The following KIF3A variants were observed in gnomAD, a reference collection of about 807,000 sequenced individuals.
The protein encoded by KIF3A is kinesin-like protein KIF3A.
In KIF3A, 27 loss-of-function variants were observed where a neutral mutation model predicts 92.6. That is an observed-to-expected ratio of 0.29 (90% CI 0.21 to 0.40). The LOEUF (loss-of-function observed/expected upper bound fraction) is 0.40. KIF3A is among the 10% of genes least tolerant of loss of function. The probability of loss-of-function intolerance (pLI) is 1.00; values close to 1 mark genes in which losing one functional copy is unlikely to be tolerated. For missense variants in KIF3A, 581 were observed against 872.6 expected (o/e 0.67, Z 4.21); for synonymous variants, 250 against 275.4 (o/e 0.91, Z 0.92).
intron 5 of KIF3A, among the ~76,000 whole-genome samples, chr5:132,720,196 A>C (rs1257367346): frequency 1.3e-5 from 2 of 152,204 alleles, no homozygotes; most frequent in Non-Finnish European, 2.9e-5. Flanking sequence ...TACTTAGACA[A>C]GTTACTTAAA....
intron 11 of KIF3A, among the ~76,000 whole-genome samples, chr5:132,704,850 T>C (rs1299341498): frequency 6.6e-6 from 1 of 151,958 alleles, no homozygotes; most frequent in Non-Finnish European, 1.5e-5. Context: ...GATGGAGATA[T>C]ATAACTGAGT....
At chr5:132,727,338 T>C (rs979264184) in intron 2 of KIF3A, among the ~76,000 whole-genome samples, 2 of 152,182 alleles carry the variant, frequency 1.3e-5, no homozygotes, top group Non-Finnish European at 2.9e-5. Flanking sequence ...ATGATGAGTA[T>C]TCAGAATGAG....
At position 132,711,023 on chromosome 5, in the gene KIF3A, T is replaced by C. The variant is rs759986801; in HGVS notation, c.1164A>G (p.Ser388=). 2.5e-6 allele frequency: 4 copies of C among 1,612,132 alleles called. No homozygotes were observed. Among genetic ancestry groups the C allele is most frequent in the Non-Finnish European group, 8.5e-7 (1 of 1,178,208 alleles). The change falls in exon 9 of 19, where the codon TCA becomes TCG. Residue 388 remains serine, a synonymous_variant. Coordinates refer to ENST00000403231, the MANE Select transcript of KIF3A (RefSeq NM_001300791.2). Reference sequence around the variant, plus strand: ...CACCCTCTTCATCATCATCTTCCTCTGACCCACTGATATCAGAGCCTGATA... The same window carrying C: ...CACCCTCTTCATCATCATCTTCCTCCGACCCACTGATATCAGAGCCTGATA... The part of the protein sequence containing the change: ...EEISGSDISG[S]EEDDDEEGEV...
chr5:132,724,590 C>A lies in KIF3A; in HGVS notation c.510+1538G>T, dbSNP rs549253678. ...TTCTCACTTATAGGTGAGAACTGAA[C>A]AATGAGAACACTTGGACACAGGAAG... On this transcript the variant is annotated intron_variant, in intron 4 of 18. Coordinates refer to ENST00000403231, the MANE Select transcript of KIF3A (RefSeq NM_001300791.2). Among the ~76,000 whole-genome samples the A allele has an allele frequency of 6.2e-3, 933 of 151,390 alleles. 9 individuals carry two copies. Among genetic ancestry groups the A allele is most frequent in the Non-Finnish European group, 1.0e-2 (676 of 67,900 alleles).
Position 132,699,247 on chromosome 5 carries a change from T to C in KIF3A, c.2056A>G (p.Ser686Gly). ...AGTTTCATCAAAGACTGACGCAGAC[T>C]CTCCTCAGTATAGGCAAGATACACG... ...SHVYLAYTEE[S>G]LRQSLMKLER... is the part of the protein sequence containing the mutation. Residue 686 changes from serine (S) to glycine (G), a missense_variant, in exon 18 of 19, where the codon AGT becomes GGT. Around this residue, in one of 5 missense-constraint regions of KIF3A, gnomAD observed 112 missense variants for 144.3 expected, o/e 0.78. Coordinates refer to ENST00000403231, the MANE Select transcript of KIF3A (RefSeq NM_001300791.2). 6.2e-7 allele frequency: 1 copy of C among 1,613,350 alleles called. No homozygotes were observed. Among genetic ancestry groups the C allele is most frequent in the South Asian group, 1.1e-5 (1 of 91,066 alleles).
chr5:132,691,979 A>T (rs1300512080), downstream of KIF3A, among the ~76,000 whole-genome samples: 3 of 150,542 alleles, frequency 2.0e-5, no homozygotes, highest in African/African-American at 4.8e-5. Context: ...AAATAAAATA[A>T]AATTTAATTA....
chr5:132,729,780 C>A (rs1486984296), intron 2 of KIF3A, among the ~76,000 whole-genome samples: 3 of 151,770 alleles, frequency 2.0e-5, no homozygotes, highest in Non-Finnish European at 2.9e-5. Flanking sequence ...ATTAAACTCC[C>A]ATATTAGAAA....
intron 1 of KIF3A, among the ~76,000 whole-genome samples, chr5:132,736,356 T>A (rs990886021): frequency 9.9e-5 from 15 of 152,264 alleles, no homozygotes; most frequent in Non-Finnish European, 5.9e-5. Flanking sequence ...CAGACCATCA[T>A]TCTTACATGG....
At chr5:132,690,883 T>C (rs1752646942), downstream of KIF3A, among the ~76,000 whole-genome samples, 1 of 151,420 alleles carries the variant, frequency 6.6e-6, no homozygotes, top group South Asian at 2.1e-4. Context: ...GCTGAAATCG[T>C]GCCACTGCAC....
At chr5:132,706,659 C>T (rs1581070902) in intron 10 of KIF3A, among the ~76,000 whole-genome samples, 200 bp from the exon 11 acceptor site, 1 of 152,074 alleles carries the variant, frequency 6.6e-6, no homozygotes, top group Non-Finnish European at 1.5e-5. Context: ...TTCAACACAA[C>T]GAGAGATGTC....
At chr5:132,691,663 G>A (rs1438547313), downstream of KIF3A, among the ~76,000 whole-genome samples, 1 of 152,114 alleles carries the variant, frequency 6.6e-6, no homozygotes, top group African/African-American at 2.4e-5. Flanking sequence ...AGCACTTTGG[G>A]AGGCTGAGGC....
intron 1 of KIF3A, chr5:132,736,865 G>A: frequency 2.5e-6 from 1 of 401,846 alleles, no homozygotes; most frequent in Non-Finnish European, 5.0e-6. Flanking sequence ...AATCCTGGAA[G>A]ATAAACATAA....
chr5:132,690,998 C>T (rs1200537671), downstream of KIF3A, among the ~76,000 whole-genome samples: 1 of 152,172 alleles, frequency 6.6e-6, no homozygotes, highest in African/African-American at 2.4e-5. Context: ...TCATTTTCTA[C>T]TTTGAAGTTC....
At chr5:132,689,285 A>C (rs1752609072), downstream of KIF3A, among the ~76,000 whole-genome samples, 2 of 152,122 alleles carry the variant, frequency 1.3e-5, no homozygotes, top group African/African-American at 4.8e-5. Flanking sequence ...AACTGTGTTA[A>C]CTCCTTCTGT....
intron 18 of KIF3A, among the ~76,000 whole-genome samples, chr5:132,698,864 A>T (rs1752927421): frequency 6.6e-6 from 1 of 150,510 alleles, no homozygotes; most frequent in Non-Finnish European, 1.5e-5. Context: ...CAGCCTCCCC[A>T]GTAGCTGGGA....
intron 1 of KIF3A, chr5:132,736,779 G>A: frequency 2.1e-6 from 1 of 467,522 alleles, no homozygotes; most frequent in South Asian, 1.6e-5. Context: ...AGCGGCCATG[G>A]CTCAATTTTC....
intron 8 of KIF3A, among the ~76,000 whole-genome samples, chr5:132,715,210 T>C (rs1561701172): frequency 6.6e-6 from 1 of 152,214 alleles, no homozygotes; most frequent in Non-Finnish European, 1.5e-5. Context: ...CTCTCATAAA[T>C]AAGATCTTCA....
rs1243442870 is a variant in KIF3A at position 132,702,578 on chromosome 5, G to A, written c.1738C>T (p.Leu580=). ...TKKLKKVWTM[L]MAAKSEMADL... is the part of the protein sequence containing the mutation. ...CCAACCTCTGACTTTGCAGCCATCA[G>A]CATAGTCCAAACTTTCTTTAACTTC... Residue 580 remains leucine (L), a synonymous_variant, in exon 14 of 19, where the codon CTG becomes TTG. Coordinates refer to ENST00000403231, the MANE Select transcript of KIF3A (RefSeq NM_001300791.2). The A allele has an allele frequency of 1.2e-6, 2 of 1,610,364 alleles. No homozygotes were observed. The highest frequency in any genetic ancestry group is 1.7e-6 in the Non-Finnish European group (2 of 1,177,930).
chr5:132,715,110 C>T (rs1369391644), intron 8 of KIF3A, among the ~76,000 whole-genome samples: 1 of 152,064 alleles, frequency 6.6e-6, no homozygotes, highest in Non-Finnish European at 1.5e-5. Context: ...ACGTGGTTCG[C>T]GAAGGAGCTC....
Sources: gnomAD v4.1 joint callset for allele counts (sites outside exome capture counted in the v4.1 genomes callset) on GRCh38, gnomAD v4.1.1 for gene constraint, gnomAD v4.1.1 regional missense constraint, MANE v1.5 for transcripts, NCBI Gene and HGNC (gene_info 2026-07-23, HGNC 2026-07-21) for gene names.